Variants in FAM107B observed in about 807,000 individuals in gnomAD.
FAM107B encodes the protein protein FAM107B.
A neutral mutation model predicts 31.5 loss-of-function variants in FAM107B; 21 were observed. The observed-to-expected ratio is 0.67, with a 90% CI of 0.47 to 0.96. FAM107B has a LOEUF of 0.96. Ranked by LOEUF, FAM107B falls within the 40% of genes least tolerant of loss-of-function variation. FAM107B has a pLI of 0.00. For synonymous variants in FAM107B, 157 were observed against 141.5 expected, an observed-to-expected ratio of 1.11 and a Z score of -0.78; for missense variants, 452 against 377.1, an observed-to-expected ratio of 1.20 and a Z score of -1.64.
chr10:14,565,130 G>A (rs1043202442), intron 2 of FAM107B, among the ~76,000 whole-genome samples: 1 of 152,228 alleles, frequency 6.6e-6, no homozygotes, highest in African/African-American at 2.4e-5. Context: ...CGTATTTATT[G>A]AGTGTACAGC....
At chr10:14,641,942 T>G (rs978920756) in intron 2 of FAM107B, among the ~76,000 whole-genome samples, 1 of 152,224 alleles carries the variant, frequency 6.6e-6, no homozygotes, top group Non-Finnish European at 1.5e-5. Flanking sequence ...AAAGCCTCCT[T>G]TAAATATCAT....
intron 1 of FAM107B, among the ~76,000 whole-genome samples, chr10:14,739,160 G>T (rs1856378271): frequency 6.6e-6 from 1 of 152,158 alleles, no homozygotes; most frequent in Non-Finnish European, 1.5e-5. Context: ...GTAGAACAAC[G>T]TTCATCATAC....
At position 14,773,340 on chromosome 10, in the gene FAM107B, T is replaced by C. The variant is rs566986360; in HGVS notation, c.411+913A>G. Among the ~76,000 whole-genome samples, 23 of 152,342 alleles carry C rather than the reference T, an allele frequency of 1.5e-4. No individual in the cohort carries two copies. The South Asian group carries it at 4.8e-3, about 32-fold the overall frequency. The stretch of plus-strand genomic sequence containing the variant: ...TGAAGCAAGCCAGACCAAAAAATAA[T>C]TTGTTAAACGGATGTGGAAAAATGA... On this transcript the variant is annotated intron_variant, in intron 1 of 4. Transcript: ENST00000181796.
At chr10:14,709,597 G>A (rs540061603) in intron 1 of FAM107B, among the ~76,000 whole-genome samples, 15 of 152,306 alleles carry the variant, frequency 9.8e-5, no homozygotes, top group African/African-American at 3.4e-4. Flanking sequence ...GCAATTGTGA[G>A]AGTTACAATT....
chr10:14,581,561 T>G (rs1156597628), intron 2 of FAM107B, among the ~76,000 whole-genome samples: 2 of 152,236 alleles, frequency 1.3e-5, no homozygotes, highest in African/African-American at 2.4e-5. Flanking sequence ...AGACATCTAA[T>G]TCTGGCTGCC....
Position 14,774,642 on chromosome 10 carries a change from G to A in FAM107B, c.22C>T (p.Leu8Phe). 6.2e-7 allele frequency: 1 copy of A among 1,613,554 alleles called. No homozygotes were observed. Among genetic ancestry groups the A allele is most frequent in the Middle Eastern group, 1.7e-4 (1 of 6,054 alleles). Residue 8 changes from leucine (L) to phenylalanine (F), a missense_variant, in exon 1 of 5, where the codon CTC (leucine) becomes TTC (phenylalanine). Physicochemically the swap from Leu to Phe is conservative, Grantham distance 22. Coordinates refer to ENST00000181796, the MANE Select transcript of FAM107B (RefSeq NM_031453.4). ...GAGGGAGACTTCAGTCTTTTGGTGA[G>A]TCTTGCTTTCCACGTGGACATGACT... The part of the protein sequence containing the change: MSTWKAR[L>F]TKRLKSPSRS...
In FAM107B at chr10:14,734,283, A is replaced by G. The variant is rs192734047; in HGVS notation, c.411+39970T>C. Among the ~76,000 whole-genome samples, 398 of 152,228 alleles carry G rather than the reference A, an allele frequency of 2.6e-3. 1 individual carries two copies. The highest frequency in any genetic ancestry group is 4.4e-3 in the Non-Finnish European group (302 of 68,018). ...ATGATAATGAGTGGTGCTCTCATCC[A>G]CACCAGAACTGTCCCGCACCAACTG... is the stretch of plus-strand genomic sequence containing the variant. On this transcript the variant is annotated intron_variant, in intron 1 of 4. Transcript: ENST00000181796.
intron 2 of FAM107B, among the ~76,000 whole-genome samples, chr10:14,605,465 T>G (rs1303510786): frequency 6.6e-6 from 1 of 152,208 alleles, no homozygotes; most frequent in South Asian, 2.1e-4. Context: ...AAGGGCTTAT[T>G]TATGGGGAAA....
chr10:14,603,814 T>G (rs1279590059), intron 2 of FAM107B, among the ~76,000 whole-genome samples: 2 of 151,756 alleles, frequency 1.3e-5, no homozygotes, highest in Non-Finnish European at 2.9e-5. Context: ...TGGCGGGGGC[T>G]GGCGTCGGGG....
At chr10:14,584,450 T>G (rs1487473236) in intron 2 of FAM107B, among the ~76,000 whole-genome samples, 1 of 152,194 alleles carries the variant, frequency 6.6e-6, no homozygotes, top group East Asian at 1.9e-4. Context: ...TCGCTCCATT[T>G]TCACCATAAA....
chr10:14,566,754 A>G (rs142939081), intron 2 of FAM107B, among the ~76,000 whole-genome samples: 240 of 152,386 alleles, frequency 1.6e-3, no homozygotes, highest in African/African-American at 4.9e-3. Context: ...TCACTGAAAG[A>G]GGAGAGTTCC....
chr10:14,583,414 G>A (rs1257297124), intron 2 of FAM107B, among the ~76,000 whole-genome samples: 1 of 152,118 alleles, frequency 6.6e-6, no homozygotes, highest in African/African-American at 2.4e-5. Flanking sequence ...ATGAAGCGCA[G>A]GACCGCAGCA....
At chr10:14,549,406 T>C (rs1167075463) in intron 2 of FAM107B, among the ~76,000 whole-genome samples, 1 of 152,224 alleles carries the variant, frequency 6.6e-6, no homozygotes, top group Non-Finnish European at 1.5e-5. Context: ...CAATAAGCAA[T>C]AAAGATGAGA....
chr10:14,689,553 C>A (rs1855077320), intron 1 of FAM107B, among the ~76,000 whole-genome samples: 1 of 152,122 alleles, frequency 6.6e-6, no homozygotes, highest in African/African-American at 2.4e-5. Context: ...ACGAGGAAGG[C>A]TTCTCAGGGA....
intron 2 of FAM107B, among the ~76,000 whole-genome samples, chr10:14,594,048 T>C (rs559593552): frequency 2.0e-5 from 3 of 152,374 alleles, no homozygotes; most frequent in African/African-American, 7.2e-5. Flanking sequence ...AAACACAACA[T>C]TTAAAACAAC....
intron 1 of FAM107B, among the ~76,000 whole-genome samples, chr10:14,684,966 G>A (rs547294380): frequency 6.6e-5 from 10 of 151,566 alleles, no homozygotes; most frequent in African/African-American, 1.2e-4. Context: ...GACCACAGGC[G>A]TGCACTACTA....
At chr10:14,709,684 TA>T (rs1272814372) in intron 1 of FAM107B, among the ~76,000 whole-genome samples, 1 of 152,176 alleles carries the variant, frequency 6.6e-6, no homozygotes, top group Non-Finnish European at 1.5e-5. Flanking sequence ...TATCCTTCAA[TA>T]GGTGAATGGC....
intron 2 of FAM107B, among the ~76,000 whole-genome samples, chr10:14,555,363 A>T (rs1174898161): frequency 6.6e-6 from 1 of 152,234 alleles, no homozygotes; most frequent in Non-Finnish European, 1.5e-5. Context: ...AATATTATCT[A>T]ACAAAAGCAG....
At chr10:14,709,606 T>C (rs1855594510) in intron 1 of FAM107B, among the ~76,000 whole-genome samples, 1 of 152,190 alleles carries the variant, frequency 6.6e-6, no homozygotes, top group African/African-American at 2.4e-5. Context: ...AGAGTTACAA[T>C]TCAAGATGAG....
Sources: allele counts gnomAD v4.1 joint callset (sites outside exome capture counted in the v4.1 genomes callset), GRCh38; gene constraint gnomAD v4.1.1; transcripts MANE v1.5; gene names NCBI Gene and HGNC (gene_info 2026-07-23, HGNC 2026-07-21).